PDE10A: variants seen among roughly 807,000 people sequenced by gnomAD.
The protein encoded by PDE10A is phosphodiesterase 10A.
In PDE10A, 39 loss-of-function variants were observed where a neutral mutation model predicts 97.7. The observed-to-expected ratio is 0.40, with a 90% CI of 0.31 to 0.52. The LOEUF (loss-of-function observed/expected upper bound fraction) is 0.52. PDE10A is among the 20% of genes least tolerant of loss of function. The pLI is 0.56. For synonymous variants in PDE10A, 371 were observed against 376.8 expected (o/e 0.98, Z 0.18); for missense variants, 731 against 1,047.8 (o/e 0.70, Z 4.17).
intron 13 of PDE10A, among the ~76,000 whole-genome samples, chr6:165,401,490 C>T (rs889282702): frequency 3.3e-5 from 5 of 152,166 alleles, no homozygotes; most frequent in Non-Finnish European, 5.9e-5. Flanking sequence ...GTGAAAGAAG[C>T]ATGTATACCT....
chr6:165,925,082 G>A (rs1412324003), intron 1 of PDE10A, among the ~76,000 whole-genome samples: 1 of 152,184 alleles, frequency 6.6e-6, no homozygotes, highest in African/African-American at 2.4e-5. Context: ...AATGAAATGG[G>A]CCGAAGACAT....
intron 6 of PDE10A, among the ~76,000 whole-genome samples, chr6:165,434,042 G>A (rs1409895613): frequency 2.9e-4 from 35 of 118,842 alleles, no homozygotes; most frequent in East Asian, 7.6e-4. Flanking sequence ...AAAAAAAGAA[G>A]TAGTACAGGG....
At chr6:165,861,892 C>T (rs3002429) in intron 1 of PDE10A, among the ~76,000 whole-genome samples, 109,731 of 152,046 alleles carry the variant, frequency 0.72, 40,049 homozygotes, top group East Asian at 0.96. Context: ...AGGGTTTTTG[C>T]TTTTGCCTGT....
In PDE10A at chr6:165,561,573, G is replaced by A. The variant is rs766322449; in HGVS notation, c.866-18005C>T. Among the ~76,000 whole-genome samples the A allele has an allele frequency of 4.5e-4, 69 of 152,166 alleles. 2 individuals are homozygous for A. Among genetic ancestry groups the A allele is most frequent in the Non-Finnish European group, 1.9e-4 (13 of 68,024 alleles). ...TTATTGCTGTTGCTGTAAAAGTGTT[G>A]CACTACATTTTTTTCTGGCCTAACA... On this transcript the variant is annotated intron_variant, in intron 1 of 21. Transcript: ENST00000539869.
intron 1 of PDE10A, among the ~76,000 whole-genome samples, chr6:165,743,477 G>T (rs971706803): frequency 6.6e-6 from 1 of 152,136 alleles, no homozygotes; most frequent in Non-Finnish European, 1.5e-5. Context: ...TCACACAAAG[G>T]CTGCCTTCAT....
intron 1 of PDE10A, among the ~76,000 whole-genome samples, chr6:165,865,365 A>C (rs1562773528): frequency 6.6e-6 from 1 of 152,254 alleles, no homozygotes; most frequent in African/African-American, 2.4e-5. Flanking sequence ...AAATATATCA[A>C]TGTAAGGACA....
intron 2 of PDE10A, among the ~76,000 whole-genome samples, chr6:165,514,864 G>A (rs1781704017): frequency 6.6e-6 from 1 of 152,176 alleles, no homozygotes; most frequent in African/African-American, 2.4e-5. Flanking sequence ...ATTGTGTATT[G>A]CCTTTGAATG....
intron 1 of PDE10A, among the ~76,000 whole-genome samples, chr6:165,600,566 C>T (rs1307494681): frequency 1.3e-5 from 2 of 152,244 alleles, no homozygotes; most frequent in African/African-American, 2.4e-5. Context: ...TGTTGCACAG[C>T]CAAGCCTCTT....
chr6:165,481,783 T>C (rs908805331), intron 3 of PDE10A, among the ~76,000 whole-genome samples: 1 of 152,198 alleles, frequency 6.6e-6, no homozygotes, highest in African/African-American at 2.4e-5. Flanking sequence ...ATTTATAAAA[T>C]TTCTAAGCAA....
intron 10 of PDE10A, among the ~76,000 whole-genome samples, chr6:165,419,447 G>A (rs3778249): frequency 0.16 from 23,930 of 152,088 alleles, 2,613 homozygotes; most frequent in African/African-American, 0.3. Flanking sequence ...CCCATTGTAC[G>A]TATTAGGAAA....
At chr6:165,598,286 T>TAG (rs67830948) in intron 1 of PDE10A, among the ~76,000 whole-genome samples, 2 of 151,844 alleles carry the variant, frequency 1.3e-5, no homozygotes, top group African/African-American at 4.8e-5. Flanking sequence ...TAACAGATCT[T>TAG]AGAGAGAGAG....
intron 1 of PDE10A, among the ~76,000 whole-genome samples, chr6:165,574,531 A>G (rs942485563): frequency 6.6e-6 from 1 of 152,252 alleles, no homozygotes; most frequent in African/African-American, 2.4e-5. Flanking sequence ...TAATTTTCAA[A>G]AAACCTATCC....
intron 1 of PDE10A, among the ~76,000 whole-genome samples, chr6:165,918,172 T>A (rs1782659153): frequency 6.6e-6 from 1 of 152,154 alleles, no homozygotes; most frequent in South Asian, 2.1e-4. Context: ...CAAACATGGA[T>A]GTATTTTTGT....
intron 1 of PDE10A, among the ~76,000 whole-genome samples, chr6:165,796,263 T>C (rs1361307299): frequency 6.6e-6 from 1 of 152,010 alleles, no homozygotes; most frequent in East Asian, 1.9e-4. Context: ...GCCCAGCTAA[T>C]TTTTTGTAGA....
Position 165,661,671 on chromosome 6 carries a change from C to T in PDE10A, c.865+276G>A. On this transcript the variant is annotated intron_variant, in intron 1 of 21. Coordinates refer to ENST00000539869, the MANE Select transcript of PDE10A (RefSeq NM_001385079.1). This position sits in a 1 kb window ranked among gnomAD's most constrained non-coding sequence, Gnocchi z 4.8. Reference sequence around the variant, plus strand: ...GGAGAAGGAGGCGGCAGGTCCCGCTCGCAACGTCCAAGCTCCCGCCGCCCT... The same window carrying T: ...GGAGAAGGAGGCGGCAGGTCCCGCTTGCAACGTCCAAGCTCCCGCCGCCCT... 2.4e-6 allele frequency: 1 copy of T among 417,708 alleles called. No individual in the cohort carries two copies. Among genetic ancestry groups the T allele is most frequent in the Non-Finnish European group, 4.2e-6 (1 of 237,944 alleles). 25.9% of individuals were successfully genotyped at this position (417,708 alleles called of 1,614,324 possible). A position where few individuals can be genotyped will look rare whatever the true frequency, so the allele number is the denominator to read the frequency against.
At chr6:165,637,509 T>C (rs920538336) in intron 1 of PDE10A, among the ~76,000 whole-genome samples, 2 of 152,154 alleles carry the variant, frequency 1.3e-5, no homozygotes, top group Non-Finnish European at 2.9e-5. Flanking sequence ...ACATTTGGCA[T>C]GGAAAAAGAG....
chr6:165,729,898 G>C (rs1352509319), intron 1 of PDE10A, among the ~76,000 whole-genome samples: 1 of 152,102 alleles, frequency 6.6e-6, no homozygotes, highest in African/African-American at 2.4e-5. Flanking sequence ...GTTTTTGATT[G>C]AAAAATTATC....
intron 2 of PDE10A, among the ~76,000 whole-genome samples, chr6:165,518,632 T>G (rs1036028291): frequency 6.6e-6 from 1 of 152,150 alleles, no homozygotes; most frequent in African/African-American, 2.4e-5. Flanking sequence ...CAAGAGGCCG[T>G]AAAGCACTTC....
At chr6:165,691,756 C>A (rs767458898) in intron 1 of PDE10A, among the ~76,000 whole-genome samples, 1 of 152,236 alleles carries the variant, frequency 6.6e-6, no homozygotes, top group Non-Finnish European at 1.5e-5. Flanking sequence ...GCCATGCCTT[C>A]GCCTCTCAGC....
Sources: gnomAD v4.1 joint callset for allele counts (sites outside exome capture counted in the v4.1 genomes callset) on GRCh38, gnomAD v4.1.1 for gene constraint, Gnocchi (gnomAD v3.1) non-coding constraint, MANE v1.5 for transcripts, NCBI Gene and HGNC (gene_info 2026-07-23, HGNC 2026-07-21) for gene names.